The following DGKB variants were observed in gnomAD, a reference collection of about 807,000 sequenced individuals.
The protein encoded by DGKB is diacylglycerol kinase beta, also known as 90 kDa diacylglycerol kinase.
DGKB carries 67 observed loss-of-function variants against 114.3 expected under a neutral mutation model. The ratio of observed to expected loss-of-function variants is 0.59; its 90% CI spans 0.48 to 0.72. The LOEUF is 0.72. DGKB is among the 30% of genes least tolerant of loss of function. The probability of loss-of-function intolerance (pLI) is 0.00; values close to 1 mark genes in which losing one functional copy is unlikely to be tolerated. For synonymous variants in DGKB, 398 were observed against 323.1 expected, an observed-to-expected ratio of 1.23 and a Z score of -2.49; for missense variants, 907 against 975.2, an observed-to-expected ratio of 0.93 and a Z score of 0.93.
At chr7:14,874,431 G>C (rs1852948841) in intron 1 of DGKB, among the ~76,000 whole-genome samples, 1 of 151,938 alleles carries the variant, frequency 6.6e-6, no homozygotes, top group African/African-American at 2.4e-5. Flanking sequence ...TCATTCATTT[G>C]TATTAATATT....
chr7:14,568,069 T>C (rs1351856602), intron 20 of DGKB, among the ~76,000 whole-genome samples: 2 of 152,188 alleles, frequency 1.3e-5, no homozygotes, highest in Admixed American at 6.5e-5. Flanking sequence ...ATATCTGTAG[T>C]TGGCTTTTGC....
chr7:14,549,279 G>C (rs1026534644), intron 20 of DGKB, among the ~76,000 whole-genome samples: 23 of 152,102 alleles, frequency 1.5e-4, no homozygotes, highest in African/African-American at 5.1e-4. Context: ...CATAGCCAAA[G>C]AAGTTTTAGG....
intron 21 of DGKB, among the ~76,000 whole-genome samples, chr7:14,396,406 AAAAG>A (rs1265252266): frequency 6.6e-6 from 1 of 152,144 alleles, no homozygotes; most frequent in Non-Finnish European, 1.5e-5. Flanking sequence ...ATTTTCTACA[AAAAG>A]AAAGCTGTGT....
At chr7:14,925,155 CT>C (rs1306830833) in intron 1 of DGKB, among the ~76,000 whole-genome samples, 1 of 152,166 alleles carries the variant, frequency 6.6e-6, no homozygotes. Context: ...GCCCCAAAGT[CT>C]GTTCAACTAT....
rs377697578 is a variant in DGKB, at chr7:14,379,804, C to G, written c.1836-34413G>C. Reference sequence around the variant, plus strand: ...TGATCTCCTGACCTCGTGATCTGCCCGCCTCGGCCTCCCAAAGTGTTGGGA... The same window carrying G: ...TGATCTCCTGACCTCGTGATCTGCCGGCCTCGGCCTCCCAAAGTGTTGGGA... On this transcript the variant is annotated intron_variant, in intron 21 of 25. Transcript: ENST00000402815. Among the ~76,000 whole-genome samples the G allele has an allele frequency of 1.2e-4, 18 of 152,054 alleles. 1 individual carries two copies. In the East Asian group the frequency reaches 1.6e-3, roughly 13 times the overall value.
chr7:14,665,295 C>G (rs1817837979), intron 13 of DGKB, among the ~76,000 whole-genome samples: 1 of 151,838 alleles, frequency 6.6e-6, no homozygotes, highest in Non-Finnish European at 1.5e-5. Context: ...AAACCAAATA[C>G]CACATGTTCT....
intron 15 of DGKB, among the ~76,000 whole-genome samples, chr7:14,616,507 A>C (rs1027594795): frequency 6.6e-6 from 1 of 151,790 alleles, no homozygotes; most frequent in African/African-American, 2.4e-5. Flanking sequence ...TGCAATCCTA[A>C]AATATTGTGT....
At chr7:14,945,827 C>T (rs1175422504) in intron 1 of DGKB, among the ~76,000 whole-genome samples, 8 of 151,458 alleles carry the variant, frequency 5.3e-5, no homozygotes, top group Non-Finnish European at 1.0e-4. Flanking sequence ...AATTCCTATT[C>T]TTTGATTACT....
chr7:14,518,090 A>G (rs565935029), intron 20 of DGKB, among the ~76,000 whole-genome samples: 3 of 152,296 alleles, frequency 2.0e-5, no homozygotes, highest in South Asian at 4.1e-4. Context: ...GTCTGGGTAA[A>G]CAAAATGTGG....
chr7:14,375,524 C>G (rs540621142), intron 21 of DGKB, among the ~76,000 whole-genome samples: 6 of 152,308 alleles, frequency 3.9e-5, no homozygotes, highest in African/African-American at 1.4e-4. Flanking sequence ...GTATTGGCTT[C>G]ATAGATCTGC....
chr7:14,766,261 A>AAGAT (rs1186971939), intron 2 of DGKB, among the ~76,000 whole-genome samples: 19 of 152,140 alleles, frequency 1.2e-4, no homozygotes, highest in African/African-American at 4.1e-4. Context: ...CTAGTGCAAG[A>AAGAT]AGATAGATTA....
At chr7:14,326,381 C>G (rs566411223) in intron 23 of DGKB, among the ~76,000 whole-genome samples, 9 of 151,912 alleles carry the variant, frequency 5.9e-5, no homozygotes, top group Non-Finnish European at 1.3e-4. Context: ...AAAGTCAGTA[C>G]AGTATTAGAA....
In DGKB at chr7:14,729,115, T is replaced by TTTTC. The variant is rs1214989519; in HGVS notation, c.322+6922_322+6925dup. On this transcript the variant is annotated intron_variant, in intron 5 of 25. Coordinates refer to ENST00000402815, the MANE Select transcript of DGKB (RefSeq NM_001350709.2). Reference sequence around the variant, plus strand: ...CCCACTAGAATGGAAACGGGTTTCATTTTCTTTCTTTTTTTTTTTTTTTTT... The same window carrying TTTTC: ...CCCACTAGAATGGAAACGGGTTTCATTTTCTTTCTTTCTTTTTTTTTTTTTTTTT... Among the ~76,000 whole-genome samples the TTTTC allele has an allele frequency of 3.9e-3, 556 of 142,232 alleles. 1 individual carries two copies. Among genetic ancestry groups the TTTTC allele is most frequent in the African/African-American group, 6.0e-3 (212 of 35,444 alleles). The allele number at this position is 142,232 out of a possible 152,430, so 93.3% of individuals were successfully genotyped here.
intron 23 of DGKB, among the ~76,000 whole-genome samples, chr7:14,290,890 C>T (rs989198807): frequency 1.2e-4 from 19 of 152,076 alleles, no homozygotes; most frequent in African/African-American, 4.6e-4. Context: ...CGCCTGTAGT[C>T]CCAGCACTTG....
At chr7:14,708,447 A>C (rs1480938144) in intron 6 of DGKB, among the ~76,000 whole-genome samples, 1 of 145,044 alleles carries the variant, frequency 6.9e-6, no homozygotes, top group Admixed American at 6.8e-5. Flanking sequence ...CTTTCTTCAC[A>C]GAATTGGAAA....
intron 1 of DGKB, among the ~76,000 whole-genome samples, chr7:14,918,742 TATTTTCAGATA>T (rs1407457459): frequency 3.3e-5 from 5 of 152,048 alleles, no homozygotes; most frequent in Non-Finnish European, 7.4e-5. Flanking sequence ...TTCAGCAAGT[TATTTTCAGATA>T]TTAACAAAAT....
intron 19 of DGKB, among the ~76,000 whole-genome samples, chr7:14,579,459 A>G (rs1460493299): frequency 6.6e-6 from 1 of 152,226 alleles, no homozygotes; most frequent in Non-Finnish European, 1.5e-5. Context: ...ATTAATTTTC[A>G]TATACATCAA....
rs116014570 is a variant in DGKB at position 14,798,807 on chromosome 7, G to A, written c.71-41076C>T. On this transcript the variant is annotated intron_variant, in intron 2 of 25. Coordinates refer to ENST00000402815, the MANE Select transcript of DGKB (RefSeq NM_001350709.2). ...GTGGTTATTTCCCCAGTTCCAGAATGCCTAATTGTAACAGATATAGTCAGC... is the reference window on the plus strand; with the variant it reads ...GTGGTTATTTCCCCAGTTCCAGAATACCTAATTGTAACAGATATAGTCAGC... 6.1e-3 allele frequency among the ~76,000 whole-genome samples: 935 copies of A among 152,286 alleles called. 6 individuals are homozygous for A. The highest frequency in any genetic ancestry group is 0.014 in the Middle Eastern group (4 of 294).
chr7:14,722,200 A>T (rs1829286995), intron 5 of DGKB, among the ~76,000 whole-genome samples: 2 of 152,120 alleles, frequency 1.3e-5, no homozygotes, highest in Admixed American at 1.3e-4. Context: ...TGAAGTGTCT[A>T]CCATTATAGT....
Sources: gnomAD v4.1 joint callset for allele counts (sites outside exome capture counted in the v4.1 genomes callset) on GRCh38, gnomAD v4.1.1 for gene constraint, MANE v1.5 for transcripts, NCBI Gene and HGNC (gene_info 2026-07-23, HGNC 2026-07-21) for gene names.